HMGB1: variants seen among roughly 807,000 people sequenced by gnomAD.
The protein encoded by HMGB1 is high mobility group box 1.
For missense variants in HMGB1, 79 were observed against 253.5 expected (o/e 0.31, Z 4.67); for synonymous variants, 81 against 84.0 (o/e 0.96, Z 0.19).
At position 30,541,156 on chromosome 13, in the gene HMGB1, C is replaced by T. The variant is rs548952868; in HGVS notation, c.-15+75515G>A. ...AACCCTAAGGGTTAAATTTATTGTC[C>T]ACTTACATGCCCATGTTTCTGACCC... On this transcript the variant is annotated intron_variant, in intron 1 of 4. Coordinates refer to the HMGB1 transcript ENST00000405805. 5.3e-5 allele frequency among the ~76,000 whole-genome samples: 8 copies of T among 152,180 alleles called. No homozygotes were observed. The South Asian group carries it at 1.7e-3, about 32-fold the overall frequency.
intron 1 of HMGB1, among the ~76,000 whole-genome samples, chr13:30,505,390 G>T (rs567377891): frequency 1.3e-5 from 2 of 151,704 alleles, no homozygotes; most frequent in South Asian, 4.1e-4. Context: ...GTGTTAGCCA[G>T]GATGGTCTCC....
chr13:30,557,475 C>G (rs1444244247), intron 1 of HMGB1, among the ~76,000 whole-genome samples: 1 of 152,196 alleles, frequency 6.6e-6, no homozygotes, highest in Non-Finnish European at 1.5e-5. Context: ...AGGGTCAAAA[C>G]CATGTTTCAT....
intron 1 of HMGB1, among the ~76,000 whole-genome samples, chr13:30,486,294 G>T (rs1280329658): frequency 6.6e-6 from 1 of 152,162 alleles, no homozygotes; most frequent in African/African-American, 2.4e-5. Context: ...GGTCCCACAT[G>T]GGCAGTGCAC....
chr13:30,457,651 A>C lies in HMGB1; in HGVS notation c.*3706T>G, dbSNP rs1886045787. 1 of 152,210 alleles carries C rather than the reference A, an allele frequency of 6.6e-6. No homozygotes were observed. The highest frequency in any genetic ancestry group is 6.5e-5 in the Admixed American group (1 of 15,276). The allele number at this position is 152,210 out of a possible 1,614,324, so 9.4% of individuals were successfully genotyped here. On this transcript the variant is annotated 3_prime_UTR_variant, in exon 5 of 5. Transcript: ENST00000341423. The stretch of plus-strand genomic sequence containing the variant: ...TTCTTCCTGGTAGAGATTACCTTAG[A>C]CTGAACCCCCCTGGAAGACGAGCAT...
At chr13:30,592,871 T>TTA (rs1871427444) in intron 1 of HMGB1, among the ~76,000 whole-genome samples, 1 of 139,190 alleles carries the variant, frequency 7.2e-6, no homozygotes, top group African/African-American at 2.6e-5. Flanking sequence ...TGCTTTTTTT[T>TTA]AAAAAAAAAA....
At chr13:30,482,903 T>G (rs1205735537) in intron 1 of HMGB1, among the ~76,000 whole-genome samples, 1 of 151,718 alleles carries the variant, frequency 6.6e-6, no homozygotes, top group Non-Finnish European at 1.5e-5. Context: ...TCCTCATGCC[T>G]CAGCCTCCTG....
chr13:30,473,955 C>A (rs895077001), intron 1 of HMGB1, among the ~76,000 whole-genome samples: 1 of 152,100 alleles, frequency 6.6e-6, no homozygotes, highest in Non-Finnish European at 1.5e-5. Context: ...CATAAGAAGG[C>A]CACATATTGT....
chr13:30,576,850 G>A (rs1050971006), intron 1 of HMGB1, among the ~76,000 whole-genome samples: 40 of 151,980 alleles, frequency 2.6e-4, no homozygotes, highest in African/African-American at 8.5e-4. Flanking sequence ...ACATCAAATC[G>A]ATTACCAACT....
At chr13:30,514,749 C>T (rs530057772) in intron 1 of HMGB1, among the ~76,000 whole-genome samples, 6 of 152,236 alleles carry the variant, frequency 3.9e-5, no homozygotes, top group South Asian at 2.1e-4. Flanking sequence ...GCCATCCTCC[C>T]GCCTCAGACT....
At chr13:30,600,197 T>C (rs1950385605) in intron 1 of HMGB1, among the ~76,000 whole-genome samples, 1 of 152,230 alleles carries the variant, frequency 6.6e-6, no homozygotes, top group Non-Finnish European at 1.5e-5. Flanking sequence ...TTATTTCCCC[T>C]GAAAATGTAA....
intron 1 of HMGB1, among the ~76,000 whole-genome samples, chr13:30,485,938 TG>T (rs1798933211): frequency 6.6e-6 from 1 of 152,192 alleles, no homozygotes; most frequent in South Asian, 2.1e-4. Flanking sequence ...AGAAAGTCAG[TG>T]CCTTGCCCGG....
intron 1 of HMGB1, among the ~76,000 whole-genome samples, chr13:30,517,865 C>T (rs1888135466): frequency 6.6e-6 from 1 of 152,178 alleles, no homozygotes; most frequent in Admixed American, 6.5e-5. Flanking sequence ...GTGAAAGAAA[C>T]TTTATTTTAT....
chr13:30,538,408 T>G (rs145640332), intron 1 of HMGB1, among the ~76,000 whole-genome samples: 98 of 152,278 alleles, frequency 6.4e-4, no homozygotes, highest in African/African-American at 2.3e-3. Context: ...ATGACTTCAA[T>G]AGTTAAATCA....
At chr13:30,610,842 C>T (rs964779812) in intron 1 of HMGB1, among the ~76,000 whole-genome samples, 1 of 152,064 alleles carries the variant, frequency 6.6e-6, no homozygotes, top group African/African-American at 2.4e-5. Flanking sequence ...AAAAAACAGT[C>T]CCCATTTTAA....
At chr13:30,516,694 G>T (rs953023719) in intron 1 of HMGB1, among the ~76,000 whole-genome samples, 16 of 152,302 alleles carry the variant, frequency 1.1e-4, no homozygotes, top group African/African-American at 3.6e-4. Flanking sequence ...GAGGCAGGAG[G>T]ATTGCCTGAG....
chr13:30,584,046 G>C (rs1871036679), intron 1 of HMGB1, among the ~76,000 whole-genome samples: 1 of 150,152 alleles, frequency 6.7e-6, no homozygotes. Context: ...CAAAAAGAAA[G>C]AAGGAAAGGA....
intron 1 of HMGB1, among the ~76,000 whole-genome samples, chr13:30,471,030 G>A (rs1252048882): frequency 2.6e-5 from 4 of 151,852 alleles, no homozygotes; most frequent in African/African-American, 9.7e-5. Flanking sequence ...CCAGGTTGGA[G>A]TGCAGTGGTG....
chr13:30,564,447 CAG>C (rs767251860), intron 1 of HMGB1, among the ~76,000 whole-genome samples: 67 of 151,724 alleles, frequency 4.4e-4, no homozygotes, highest in South Asian at 2.7e-3. Flanking sequence ...GCCTGGGCAA[CAG>C]AGAGAGAGAG....
chr13:30,476,697 C>G (rs1307929811), intron 1 of HMGB1, among the ~76,000 whole-genome samples: 1 of 151,840 alleles, frequency 6.6e-6, no homozygotes, highest in Non-Finnish European at 1.5e-5. Context: ...AACCCCAGCT[C>G]TACTAAAAGT....
Sources: allele counts gnomAD v4.1 joint callset (sites outside exome capture counted in the v4.1 genomes callset), GRCh38; gene constraint gnomAD v4.1.1; transcripts MANE v1.5; gene names NCBI Gene and HGNC (gene_info 2026-07-23, HGNC 2026-07-21).